The following SULT1B1 variants were observed in gnomAD, a reference collection of about 807,000 sequenced individuals.
SULT1B1 encodes sulfotransferase family 1B member 1.
In SULT1B1, 28 loss-of-function variants were observed where a neutral mutation model predicts 34.6. The observed-to-expected ratio is 0.81, with a 90% CI of 0.60 to 1.11. SULT1B1 has a LOEUF of 1.11. Ranked by LOEUF, SULT1B1 falls within the 50% of genes least tolerant of loss-of-function variation. SULT1B1 has a pLI of 0.00. For synonymous variants in SULT1B1, 147 were observed against 110.2 expected (o/e 1.33, Z -2.09); for missense variants, 374 against 352.2 (o/e 1.06, Z -0.50).
intron 4 of SULT1B1, among the ~76,000 whole-genome samples, chr4:69,747,322 C>T (rs1292511055): frequency 6.6e-6 from 1 of 152,130 alleles, no homozygotes; most frequent in Non-Finnish European, 1.5e-5. Context: ...CAGTAGGGAT[C>T]CATATGCAAA....
chr4:69,737,865 T>G (rs1385198082), intron 4 of SULT1B1, among the ~76,000 whole-genome samples: 1 of 152,186 alleles, frequency 6.6e-6, no homozygotes, highest in Non-Finnish European at 1.5e-5. Context: ...TTTATTTATT[T>G]ATAATTTTTA....
At chr4:69,757,744 A>G (rs1719246200) in intron 1 of SULT1B1, among the ~76,000 whole-genome samples, 1 of 152,208 alleles carries the variant, frequency 6.6e-6, no homozygotes, top group African/African-American at 2.4e-5. Context: ...AAAAGTCATT[A>G]TTCAACAATA....
In SULT1B1 at chr4:69,754,892, T is replaced by G. The variant is rs1719129661; in HGVS notation, c.149-94A>C. 29 of 1,420,732 alleles carry G rather than the reference T, an allele frequency of 2.0e-5. No homozygotes were observed. In the South Asian group the frequency reaches 3.2e-4, roughly 16 times the overall value. The allele number at this position is 1,420,732 out of a possible 1,614,324, so 88.0% of individuals were successfully genotyped here. A position where few individuals can be genotyped will look rare whatever the true frequency, so the allele number is the denominator to read the frequency against. On this transcript the variant is annotated intron_variant, in intron 2 of 7. Coordinates refer to ENST00000310613, the MANE Select transcript of SULT1B1 (RefSeq NM_014465.4). Reference sequence around the variant, plus strand: ...GAAACACTACCATCTTAACACATTCTATTACAAACTTAATTCCCCTTTCTA... The same window carrying G: ...GAAACACTACCATCTTAACACATTCGATTACAAACTTAATTCCCCTTTCTA...
rs1393028598 is a variant in SULT1B1 at position 69,754,817 on chromosome 4, T to G, written c.149-19A>C. 1.2e-6 allele frequency: 2 copies of G among 1,606,478 alleles called. No homozygotes were observed. Among genetic ancestry groups the G allele is most frequent in the Admixed American group, 3.4e-5 (2 of 58,902 alleles). Reference sequence around the variant, plus strand: ...GTAGTACCTGTGACAAAAGGCAACATTTTCAAAATAATTACCCAAATTGCA... The same window carrying G: ...GTAGTACCTGTGACAAAAGGCAACAGTTTCAAAATAATTACCCAAATTGCA... On this transcript the variant is annotated intron_variant, in intron 2 of 7. Coordinates refer to ENST00000310613, the MANE Select transcript of SULT1B1 (RefSeq NM_014465.4).
In SULT1B1 at chr4:69,734,828, C is replaced by CTTTT. The variant is rs71604563; in HGVS notation, c.376-568_376-565dup. 1.1e-3 allele frequency among the ~76,000 whole-genome samples: 146 copies of CTTTT among 135,644 alleles called. 2 individuals carry two copies. The highest frequency in any genetic ancestry group is 3.9e-3 in the African/African-American group (140 of 36,216). 89.0% of individuals were successfully genotyped at this position (135,644 alleles called of 152,430 possible). A position where few individuals can be genotyped will look rare whatever the true frequency, so the allele number is the denominator to read the frequency against. On this transcript the variant is annotated intron_variant, in intron 4 of 7. Coordinates refer to ENST00000310613, the MANE Select transcript of SULT1B1 (RefSeq NM_014465.4). ...ACTCACTATTTTCTACTTCGCTACTCTTTTTTTTTTTTTTTTGAGACGCCC... is the reference window on the plus strand; with the variant it reads ...ACTCACTATTTTCTACTTCGCTACTCTTTTTTTTTTTTTTTTTTTTGAGACGCCC...
intron 4 of SULT1B1, among the ~76,000 whole-genome samples, chr4:69,746,833 T>C (rs1718766943): frequency 6.6e-6 from 1 of 152,248 alleles, no homozygotes; most frequent in South Asian, 2.1e-4. Flanking sequence ...CTAATGTTTC[T>C]TTAATCTTTA....
intron 1 of SULT1B1, chr4:69,758,171 TG>T: frequency 6.2e-6 from 2 of 320,282 alleles, no homozygotes; most frequent in Non-Finnish European, 4.5e-6. Flanking sequence ...TTAATGTGGA[TG>T]GTCAAGAAGT....
intron 6 of SULT1B1, 114 bp from the exon 7 acceptor site, chr4:69,730,795 C>A: frequency 1.1e-6 from 1 of 903,888 alleles, no homozygotes; most frequent in South Asian, 2.0e-5. Flanking sequence ...ATAGGAAATC[C>A]ATATTTGTTT....
At chr4:69,759,342 T>G (rs1314967898) in intron 1 of SULT1B1, among the ~76,000 whole-genome samples, 21 of 152,190 alleles carry the variant, frequency 1.4e-4, no homozygotes. Flanking sequence ...AAAATGTCCG[T>G]GATTTATCTC....
Position 69,726,030 on chromosome 4 carries a change from G to GTATATATATA in SULT1B1, c.*1057_*1058insTATATATATA, listed in dbSNP as rs1560517552. On this transcript the variant is annotated 3_prime_UTR_variant, in exon 8 of 8. Coordinates refer to ENST00000310613, the MANE Select transcript of SULT1B1 (RefSeq NM_014465.4). ...GGAACTTAAAGTATAATAATAAAATGTACATATATATATATATATATATAT... is the reference window on the plus strand; with the variant it reads ...GGAACTTAAAGTATAATAATAAAATGTATATATATATACATATATATATATATATATATAT... 2.4e-5 allele frequency: 1 copy of GTATATATATA among 42,032 alleles called. No homozygotes were observed. Among genetic ancestry groups the GTATATATATA allele is most frequent in the Non-Finnish European group, 4.9e-5 (1 of 20,288 alleles). 2.6% of individuals were successfully genotyped at this position (42,032 alleles called of 1,614,324 possible).
rs1717826826 is a variant in SULT1B1 at position 69,726,057 on chromosome 4, TATATATATATATATATATATATATAA to T, written c.*1005_*1030del. 1.1e-5 allele frequency: 1 copy of T among 93,686 alleles called. No homozygotes were observed. Among genetic ancestry groups the T allele is most frequent in the African/African-American group, 4.5e-5 (1 of 22,348 alleles). The allele number at this position is 93,686 out of a possible 1,614,324, so 5.8% of individuals were successfully genotyped here. ...ACATATATATATATATATATATATA[TATATATATATATATATATATATATAA>T]ATGTTCCAAGAAAACATAGATCAGA... On this transcript the variant is annotated 3_prime_UTR_variant, in exon 8 of 8. Coordinates refer to ENST00000310613, the MANE Select transcript of SULT1B1 (RefSeq NM_014465.4).
rs1285460633 is a variant in SULT1B1, at chr4:69,725,334, C to A, written c.*1754G>T. 3 of 152,230 alleles carry A rather than the reference C, an allele frequency of 2.0e-5. No individual in the cohort carries two copies. The highest frequency in any genetic ancestry group is 2.1e-4 in the South Asian group (1 of 4,820). 9.4% of individuals were successfully genotyped at this position (152,230 alleles called of 1,614,324 possible). On this transcript the variant is annotated 3_prime_UTR_variant, in exon 8 of 8. Transcript: ENST00000310613. ...AACCACAATGAGATACCATCTCACA[C>A]CAGTTAGAATGGCAATCATTAAAAA...
intron 1 of SULT1B1, among the ~76,000 whole-genome samples, chr4:69,756,147 G>T (rs1426011241): frequency 6.6e-6 from 1 of 151,480 alleles, no homozygotes; most frequent in African/African-American, 2.4e-5. Flanking sequence ...TTATTTTTTT[G>T]TTCTCAACTT....
intron 4 of SULT1B1, 91 bp from the exon 5 acceptor site, chr4:69,734,355 A>C: frequency 7.1e-7 from 1 of 1,405,626 alleles, no homozygotes; most frequent in Non-Finnish European, 9.5e-7. Flanking sequence ...AAAAAAGCAG[A>C]GTACTTTTTC....
intron 4 of SULT1B1, among the ~76,000 whole-genome samples, chr4:69,734,773 G>A (rs186505210): frequency 1.3e-5 from 2 of 151,620 alleles, no homozygotes; most frequent in African/African-American, 2.4e-5. Flanking sequence ...TAAGTTTGGG[G>A]GCATCCAGTT....
intron 3 of SULT1B1, among the ~76,000 whole-genome samples, chr4:69,750,270 G>A (rs1718929241): frequency 6.6e-6 from 1 of 152,080 alleles, no homozygotes; most frequent in Non-Finnish European, 1.5e-5. Flanking sequence ...TAGCATAGAT[G>A]ATGTTAACTT....
intron 3 of SULT1B1, among the ~76,000 whole-genome samples, chr4:69,753,260 A>G (rs546055405): frequency 2.7e-4 from 41 of 152,326 alleles, no homozygotes; most frequent in African/African-American, 9.4e-4. Flanking sequence ...TGCTTGATGA[A>G]AAATAAAACT....
chr4:69,732,294 A>G (rs1718110931), intron 6 of SULT1B1, among the ~76,000 whole-genome samples: 1 of 152,166 alleles, frequency 6.6e-6, no homozygotes, highest in Non-Finnish European at 1.5e-5. Context: ...ATAAAATCTC[A>G]GAGGATTCTT....
In SULT1B1 at chr4:69,755,097, T is replaced by C; in HGVS notation, c.121A>G (p.Ile41Val). The change falls in exon 2 of 8, where the codon ATT (isoleucine) becomes GTT (valine). Residue 41 changes from isoleucine to valine, a missense_variant. Transcript: ENST00000310613. ...GATTTAGGATAAGTGGCTATCACAA[T>C]GTCATCTGGTCTGCTATGGAACTGT... ...IEQFHSRPDD[I>V]VIATYPKSGT... 1 of 1,613,706 alleles carries C rather than the reference T, an allele frequency of 6.2e-7. No individual in the cohort carries two copies. The highest frequency in any genetic ancestry group is 8.5e-7 in the Non-Finnish European group (1 of 1,179,644).
Sources: allele counts gnomAD v4.1 joint callset (sites outside exome capture counted in the v4.1 genomes callset), GRCh38; gene constraint gnomAD v4.1.1; transcripts MANE v1.5; gene names NCBI Gene and HGNC (gene_info 2026-07-23, HGNC 2026-07-21).